ADAMTS8: variants seen among roughly 807,000 people sequenced by gnomAD.
ADAMTS8 encodes the protein A disintegrin and metalloproteinase with thrombospondin motifs 8.
ADAMTS8 carries 50 observed loss-of-function variants against 64.4 expected under a neutral mutation model. The ratio of observed to expected loss-of-function variants is 0.78; its 90% CI spans 0.62 to 0.98. The LOEUF is 0.98. Among genes scored for constraint, ADAMTS8 ranks in the 50% least tolerant of loss-of-function variants. ADAMTS8 has a pLI of 0.00. For synonymous variants in ADAMTS8, 556 were observed against 533.6 expected (o/e 1.04, Z -0.58); for missense variants, 1,192 against 1,208.2 (o/e 0.99, Z 0.20).
Position 130,408,825 on chromosome 11 carries a change from G to A in ADAMTS8, c.1866C>T (p.Arg622=). 1 of 1,614,040 alleles carries A rather than the reference G, an allele frequency of 6.2e-7. No homozygotes were observed. The highest frequency in any genetic ancestry group is 8.5e-7 in the Non-Finnish European group (1 of 1,180,000). The change falls in exon 7 of 9, where the codon CGC becomes CGT. Residue 622 remains arginine, a synonymous_variant. Transcript: ENST00000257359. The stretch of plus-strand genomic sequence containing the variant: ...CCCGGGCTCGGCAGAACAACTTGCA[G>A]CGGTCCCGGGGGGACACCCCAGCAT... The part of the protein sequence containing the change: ...PKYAGVSPRD[R]CKLFCRARGR...
rs1861919594 is a variant in ADAMTS8, at chr11:130,408,922, T to G, written c.1769A>C (p.Gln590Pro). 3.2e-6 allele frequency: 5 copies of G among 1,558,294 alleles called. No individual in the cohort carries two copies. In the South Asian group the frequency reaches 6.1e-5, roughly 19 times the overall value. The change falls in exon 7 of 9, where the codon CAG becomes CCG. Residue 590 changes from glutamine (Q) to proline (P), a missense_variant. Transcript: ENST00000257359. ...GTAGGCATTATACTTCTCACACTGC[T>G]GCTCCCTGAAGCTTTTCCCTAGAAA... ...CPPDGKSFRE[Q>P]QCEKYNAYNY... is the part of the protein sequence containing the mutation.
intron 1 of ADAMTS8, among the ~76,000 whole-genome samples, chr11:130,423,393 A>G (rs1022521182): frequency 4.0e-5 from 6 of 151,502 alleles, no homozygotes; most frequent in Admixed American, 2.0e-4. Context: ...GCCACAGAGC[A>G]GGGGGGGGCA....
chr11:130,408,789 C>T lies in ADAMTS8; in HGVS notation c.1902G>A (p.Glu634=). The T allele has an allele frequency of 1.2e-6, 2 of 1,614,174 alleles. No individual in the cohort carries two copies. Among genetic ancestry groups the T allele is most frequent in the Non-Finnish European group, 1.7e-6 (2 of 1,180,030 alleles). Residue 634 remains glutamate (E), a synonymous_variant, in exon 7 of 9, where the codon GAG becomes GAA. Coordinates refer to ENST00000257359, the MANE Select transcript of ADAMTS8 (RefSeq NM_007037.6). ...TCACCTTGGCCTCGAACACTTTGAACTCGCTCCTCCCCCGGGCTCGGCAGA... is the reference window on the plus strand; with the variant it reads ...TCACCTTGGCCTCGAACACTTTGAATTCGCTCCTCCCCCGGGCTCGGCAGA... The part of the protein sequence containing the change: ...KLFCRARGRS[E]FKVFEAKVID...
chr11:130,417,058 C>T lies in ADAMTS8; in HGVS notation c.978G>A (p.Glu326=), dbSNP rs764254164. The change falls in exon 3 of 9, where the codon GAG becomes GAA. Residue 326 remains glutamate, a synonymous_variant. Coordinates refer to ENST00000257359, the MANE Select transcript of ADAMTS8 (RefSeq NM_007037.6). ...LLTRQNFCGQ[E]GLCDTLGVAD... is the part of the protein sequence containing the mutation. ...CCACACCCAGGGTGTCACACAGCCC[C>T]TCCTGCCCACAGAAGTTCTGCGTGG... 5 of 1,613,968 alleles carry T rather than the reference C, an allele frequency of 3.1e-6. No homozygotes were observed. The highest frequency in any genetic ancestry group is 1.1e-5 in the South Asian group (1 of 91,084).
At chr11:130,418,052 C>T (rs879324313) in intron 2 of ADAMTS8, among the ~76,000 whole-genome samples, 5 of 146,548 alleles carry the variant, frequency 3.4e-5, no homozygotes, top group Non-Finnish European at 4.5e-5. Context: ...AAGGTGCTTG[C>T]GCTTGTCATC....
At chr11:130,417,691 T>C (rs1438097563) in intron 2 of ADAMTS8, among the ~76,000 whole-genome samples, 1 of 152,158 alleles carries the variant, frequency 6.6e-6, no homozygotes, top group East Asian at 1.9e-4. Flanking sequence ...GCCTCCCAAG[T>C]AGCTGGGACT....
rs778670918 is a variant in ADAMTS8, at chr11:130,411,404, G to A, written c.1750+13C>T. The A allele has an allele frequency of 6.2e-7, 1 of 1,612,676 alleles. No homozygotes were observed. Among genetic ancestry groups the A allele is most frequent in the South Asian group, 1.1e-5 (1 of 90,852 alleles). On this transcript the variant is annotated intron_variant, in intron 6 of 8. Coordinates refer to ENST00000257359, the MANE Select transcript of ADAMTS8 (RefSeq NM_007037.6). The surrounding 1 kb of genome is among the most constrained non-coding windows in gnomAD (Gnocchi z 4.2). Reference sequence around the variant, plus strand: ...TAGCTGCTCTGGCAGGGGCGGCCCTGAGTGGTAATTACCGTCAGGGGGGCA... The same window carrying A: ...TAGCTGCTCTGGCAGGGGCGGCCCTAAGTGGTAATTACCGTCAGGGGGGCA...
chr11:130,411,741 A>G lies in ADAMTS8; in HGVS notation c.1567-141T>C, dbSNP rs1861955728. On this transcript the variant is annotated intron_variant, in intron 5 of 8. Coordinates refer to ENST00000257359, the MANE Select transcript of ADAMTS8 (RefSeq NM_007037.6). This position sits in a 1 kb window ranked among gnomAD's most constrained non-coding sequence, Gnocchi z 4.2. ...TGGAGTGCCGTAAACTGCCTCAATC[A>G]TTTGTTTAATGACTGTGTGGCCTGC... The G allele has an allele frequency of 7.3e-6, 6 of 822,790 alleles. No homozygotes were observed. Among genetic ancestry groups the G allele is most frequent in the African/African-American group, 1.8e-5 (1 of 56,918 alleles). 51.0% of individuals were successfully genotyped at this position (822,790 alleles called of 1,614,324 possible). A position where few individuals can be genotyped will look rare whatever the true frequency, so the allele number is the denominator to read the frequency against.
At chr11:130,414,420 C>G (rs184969861) in intron 5 of ADAMTS8, 111 bp downstream of exon 5, 4 of 1,333,176 alleles carry the variant, frequency 3.0e-6, no homozygotes, top group Admixed American at 2.8e-5. Context: ...GGCTGTCTCT[C>G]GGTTCATGAC....
chr11:130,416,040 G>T lies in ADAMTS8; in HGVS notation c.1264+123C>A. On this transcript the variant is annotated intron_variant, in intron 4 of 8. Transcript: ENST00000257359. This position sits in a 1 kb window ranked among gnomAD's most constrained non-coding sequence, Gnocchi z 4.8. ...GGGTGGTGTGAATGCCCCAGCGTGG[G>T]AGGCTGGCCGGGGACTCAGCTCTAA... 1 of 1,194,896 alleles carries T rather than the reference G, an allele frequency of 8.4e-7. No individual in the cohort carries two copies. The highest frequency in any genetic ancestry group is 1.7e-5 in the South Asian group (1 of 59,914). 74.0% of individuals were successfully genotyped at this position (1,194,896 alleles called of 1,614,324 possible).
chr11:130,428,349 T>C lies in ADAMTS8; in HGVS notation c.-63A>G, dbSNP rs754693174. The C allele has an allele frequency of 1.6e-6, 2 of 1,243,914 alleles. No homozygotes were observed. The highest frequency in any genetic ancestry group is 1.0e-6 in the Non-Finnish European group (1 of 982,070). The allele number at this position is 1,243,914 out of a possible 1,614,324, so 77.1% of individuals were successfully genotyped here. A position where few individuals can be genotyped will look rare whatever the true frequency, so the allele number is the denominator to read the frequency against. ...AAGCCCGCCAGGCGCGGGCAGGTGC[T>C]GGCGGCCCGAGCGCGGCCCGGCCGC... On this transcript the variant is annotated 5_prime_UTR_variant, in exon 1 of 9. Coordinates refer to ENST00000257359, the MANE Select transcript of ADAMTS8 (RefSeq NM_007037.6).
chr11:130,414,031 CGT>C (rs1170349360), intron 5 of ADAMTS8, among the ~76,000 whole-genome samples: 1 of 144,370 alleles, frequency 6.9e-6, no homozygotes, highest in African/African-American at 2.5e-5. Flanking sequence ...GGCTCCTCAC[CGT>C]GTGGATAAAT....
chr11:130,428,191 T>TGCGGG lies in ADAMTS8; in HGVS notation c.91_95dup (p.Ala33ProfsTer45), dbSNP rs1341823376. 1.5e-6 allele frequency: 2 copies of TGCGGG among 1,297,978 alleles called. No homozygotes were observed. The highest frequency in any genetic ancestry group is 3.1e-5 in the African/African-American group (2 of 64,076). 80.4% of individuals were successfully genotyped at this position (1,297,978 alleles called of 1,614,324 possible). ...CCAGCTCCGAGGCCTGCCCCCCGGC[T>TGCGGG]GCGGGCCGGGCCGGGGCGCCGCGGG... On this transcript the variant is annotated frameshift_variant, in exon 1 of 9. Coordinates refer to ENST00000257359, the MANE Select transcript of ADAMTS8 (RefSeq NM_007037.6). LOFTEE classifies it high-confidence loss of function.
chr11:130,419,564 A>AG (rs1862073652), intron 1 of ADAMTS8, among the ~76,000 whole-genome samples: 1 of 152,268 alleles, frequency 6.6e-6, no homozygotes, highest in Non-Finnish European at 1.5e-5. Context: ...TCTAACATCC[A>AG]GGACAGCTTC....
rs957650907 is a variant in ADAMTS8 at position 130,416,515 on chromosome 11, C to A, written c.1097-185G>T. The stretch of plus-strand genomic sequence containing the variant: ...CGCGTTCTCAGATGACTAAGAAACA[C>A]GGATACCCCTTTATTTTCTGCCTCA... On this transcript the variant is annotated intron_variant, in intron 3 of 8. Transcript: ENST00000257359. The surrounding 1 kb of genome is among the most constrained non-coding windows in gnomAD (Gnocchi z 4.8). Among the ~76,000 whole-genome samples, 3 of 152,224 alleles carry A rather than the reference C, an allele frequency of 2.0e-5. No individual in the cohort carries two copies. The highest frequency in any genetic ancestry group is 7.2e-5 in the African/African-American group (3 of 41,454).
chr11:130,406,314 T>C (rs1861884510), intron 8 of ADAMTS8, among the ~76,000 whole-genome samples, 186 bp from the exon 9 acceptor site: 1 of 152,228 alleles, frequency 6.6e-6, no homozygotes, highest in African/African-American at 2.4e-5. Context: ...GTCTGTACAT[T>C]GGGATTTTCA....
rs146862350 is a variant in ADAMTS8 at position 130,410,100 on chromosome 11, C to T, written c.1751-1160G>A. On this transcript the variant is annotated intron_variant, in intron 6 of 8. Transcript: ENST00000257359. ...TTTCCACCACCCTGGCAGGTCCCCT[C>T]ACACCTCACCCATCTCAGTCCTCCA... is the stretch of plus-strand genomic sequence containing the variant. Among the ~76,000 whole-genome samples the T allele has an allele frequency of 7.9e-5, 12 of 152,336 alleles. No individual in the cohort carries two copies. The East Asian group carries it at 2.1e-3, about 27-fold the overall frequency.
chr11:130,419,888 G>T (rs73044803), intron 1 of ADAMTS8, among the ~76,000 whole-genome samples: 2,374 of 152,212 alleles, frequency 0.016, 27 homozygotes, highest in Admixed American at 0.023. Flanking sequence ...CTACTCTTTG[G>T]GGGGGGATTT....
At chr11:130,406,227 A>G (rs2134671131) in intron 8 of ADAMTS8, 99 bp from the exon 9 acceptor site, 2 of 1,411,620 alleles carry the variant, frequency 1.4e-6, no homozygotes, top group East Asian at 4.7e-5. Flanking sequence ...GGTGGCAGAC[A>G]CGAAAAAAAC....
Sources: gnomAD v4.1 joint callset for allele counts (sites outside exome capture counted in the v4.1 genomes callset) on GRCh38, gnomAD v4.1.1 for gene constraint, Gnocchi (gnomAD v3.1) non-coding constraint, MANE v1.5 for transcripts, NCBI Gene and HGNC (gene_info 2026-07-23, HGNC 2026-07-21) for gene names.